AKR7A3: variants seen among roughly 807,000 people sequenced by gnomAD.
AKR7A3 encodes the protein AFB1 aldehyde reductase 2.
A neutral mutation model predicts 32.5 loss-of-function variants in AKR7A3; 37 were observed. The observed-to-expected ratio is 1.14, with a 90% confidence interval of 0.88 to 1.50. The LOEUF (loss-of-function observed/expected upper bound fraction) is 1.50. AKR7A3 is among the 40% of genes most tolerant of loss of function. The probability of loss-of-function intolerance (pLI) is 0.00; values close to 1 mark genes in which losing one functional copy is unlikely to be tolerated. For synonymous variants in AKR7A3, 177 were observed against 188.4 expected (o/e 0.94, Z 0.50); for missense variants, 412 against 453.2 (o/e 0.91, Z 0.83).
At position 19,282,597 on chromosome 1, in the gene AKR7A3, G is replaced by C; in HGVS notation, c.*134C>G. ...CTGGGAGTTTTATTCTTCATTTGGTGGTGACTCTTCTATTAGGTTTTTGTC... is the reference window on the plus strand; with the variant it reads ...CTGGGAGTTTTATTCTTCATTTGGTCGTGACTCTTCTATTAGGTTTTTGTC... On this transcript the variant is annotated 3_prime_UTR_variant, in exon 7 of 7. Coordinates refer to ENST00000361640, the MANE Select transcript of AKR7A3 (RefSeq NM_012067.3). 1 of 1,431,478 alleles carries C rather than the reference G, an allele frequency of 7.0e-7. No individual in the cohort carries two copies. Among genetic ancestry groups the C allele is most frequent in the Non-Finnish European group, 9.6e-7 (1 of 1,044,066 alleles). 88.7% of individuals were successfully genotyped at this position (1,431,478 alleles called of 1,614,324 possible). A position where few individuals can be genotyped will look rare whatever the true frequency, so the allele number is the denominator to read the frequency against.
chr1:19,282,146 TATC>T (rs954247043), downstream of AKR7A3, among the ~76,000 whole-genome samples: 18 of 151,834 alleles, frequency 1.2e-4, no homozygotes, highest in African/African-American at 4.1e-4. Flanking sequence ...GGTACAATGA[TATC>T]ATCAGGGTAT....
the AKR7A3 span, among the ~76,000 whole-genome samples, chr1:19,276,337 G>C: frequency 6.9e-6 from 1 of 145,156 alleles, no homozygotes; most frequent in African/African-American, 2.6e-5. Flanking sequence ...GTCCAGACTA[G>C]GTGACAGAGC....
chr1:19,275,405 C>T, the AKR7A3 span, among the ~76,000 whole-genome samples: 3 of 150,776 alleles, frequency 2.0e-5, no homozygotes, highest in African/African-American at 7.4e-5. Context: ...GAGCGAAATT[C>T]CATCTCAAAA....
chr1:19,282,262 G>A (rs1411167467), downstream of AKR7A3, among the ~76,000 whole-genome samples: 6 of 151,726 alleles, frequency 4.0e-5, no homozygotes, highest in Admixed American at 1.3e-4. Flanking sequence ...TGAATGGCTT[G>A]GTGCCATCTG....
chr1:19,284,633 C>T, intron 5 of AKR7A3, 53 bp downstream of exon 5: 1 of 1,579,288 alleles, frequency 6.3e-7, no homozygotes, highest in Non-Finnish European at 8.7e-7. Context: ...GGACTTCATT[C>T]CACATAAAGC....
intron 3 of AKR7A3, among the ~76,000 whole-genome samples, chr1:19,285,320 A>G (rs183269081): frequency 1.6e-4 from 24 of 152,048 alleles, no homozygotes; most frequent in East Asian, 1.2e-3. Flanking sequence ...AGCACCAACT[A>G]TGGGCTGGTT....
Position 19,286,387 on chromosome 1 carries a change from A to C in AKR7A3, c.215-15T>G, listed in dbSNP as rs1167085799. The C allele has an allele frequency of 4.3e-6, 7 of 1,612,074 alleles. No homozygotes were observed. The highest frequency in any genetic ancestry group is 5.9e-6 in the Non-Finnish European group (7 of 1,178,832). On this transcript the variant is annotated splice_polypyrimidine_tract_variant and intron_variant, in intron 1 of 6. Transcript: ENST00000361640. ...ATCAATTTTCACTGAGAGGAAAGAG[A>C]AATGAAATTCAGGGCCAGGCGCCGT...
the AKR7A3 span, among the ~76,000 whole-genome samples, chr1:19,275,699 GGAGGTT>G: frequency 2.6e-5 from 4 of 151,768 alleles, no homozygotes; most frequent in Non-Finnish European, 4.4e-5. Context: ...CAGTTACTCA[GGAGGTT>G]GAGGTGGGAG....
At chr1:19,287,591 C>G (rs2093733030) in intron 1 of AKR7A3, among the ~76,000 whole-genome samples, 1 of 151,954 alleles carries the variant, frequency 6.6e-6, no homozygotes, top group African/African-American at 2.4e-5. Context: ...GAGGGCGGCT[C>G]CTCCTGCCCC....
the AKR7A3 span, among the ~76,000 whole-genome samples, chr1:19,274,909 A>AAAAAAAAAAAAAAAAAAAAAAAAAAC: frequency 1.4e-5 from 2 of 148,026 alleles, no homozygotes; most frequent in Non-Finnish European, 3.0e-5. Context: ...CAAAAAAAAA[A>AAAAAAAAAAAAAAAAAAAAAAAAAAC]AAAAAAGACC....
In AKR7A3 at chr1:19,287,301, T is replaced by C. The variant is rs979087252; in HGVS notation, c.215-929A>G. On this transcript the variant is annotated intron_variant, in intron 1 of 6. Coordinates refer to ENST00000361640, the MANE Select transcript of AKR7A3 (RefSeq NM_012067.3). ...CAGCCTGGGCAAAAAAGCAAGACCC[T>C]GTCTCAAAAAAAAAAAAAAAATCAG... Among the ~76,000 whole-genome samples, 46 of 131,810 alleles carry C rather than the reference T, an allele frequency of 3.5e-4. 1 individual carries two copies. The highest frequency in any genetic ancestry group is 1.5e-3 in the African/African-American group (46 of 31,232). The allele number at this position is 131,810 out of a possible 152,430, so 86.5% of individuals were successfully genotyped here. A position where few individuals can be genotyped will look rare whatever the true frequency, so the allele number is the denominator to read the frequency against.
chr1:19,279,241 C>T (rs1467706740), downstream of AKR7A3, among the ~76,000 whole-genome samples: 2 of 151,896 alleles, frequency 1.3e-5, no homozygotes, highest in Non-Finnish European at 2.9e-5. Context: ...AGATTACAGG[C>T]GTGAGCTACT....
rs759961476 is a variant in AKR7A3 at position 19,286,412 on chromosome 1, T to C, written c.215-40A>G. ...AAATGAAATTCAGGGCCAGGCGCCG[T>C]GGCTCATGCCTGTAATCCCAGCACT... On this transcript the variant is annotated intron_variant, in intron 1 of 6. Transcript: ENST00000361640. 6 of 1,599,010 alleles carry C rather than the reference T, an allele frequency of 3.8e-6. No homozygotes were observed. In the Admixed American group the frequency reaches 1.0e-4, roughly 27 times the overall value.
chr1:19,283,956 C>T (rs2093723371), intron 6 of AKR7A3, 40 bp downstream of exon 6: 1 of 1,611,624 alleles, frequency 6.2e-7, no homozygotes, highest in African/African-American at 1.3e-5. Flanking sequence ...GCTGGTTCCC[C>T]TGGAAGGGAA....
intron 3 of AKR7A3, 121 bp downstream of exon 3, chr1:19,285,767 C>T (rs1213610057): frequency 2.0e-5 from 26 of 1,270,558 alleles, no homozygotes; most frequent in Non-Finnish European, 2.8e-5. Context: ...GAGCCATCTG[C>T]AGGCTTTCAG....
the AKR7A3 span, among the ~76,000 whole-genome samples, chr1:19,274,912 A>AAAAAAAAAAAAAAAAAAAAAAC: frequency 2.0e-5 from 3 of 148,618 alleles, no homozygotes; most frequent in Non-Finnish European, 3.0e-5. Context: ...AAAAAAAAAA[A>AAAAAAAAAAAAAAAAAAAAAAC]AAAGACCAAT....
intron 1 of AKR7A3, 80 bp from the exon 2 acceptor site, chr1:19,286,452 C>A: frequency 7.1e-7 from 1 of 1,409,144 alleles, no homozygotes; most frequent in Non-Finnish European, 9.8e-7. Context: ...GAGACTGAGG[C>A]AGGCAAATCA....
In AKR7A3 at chr1:19,282,698, G is replaced by A. The variant is rs1065660; in HGVS notation, c.*33C>T. 1.9e-6 allele frequency: 3 copies of A among 1,613,712 alleles called. No individual in the cohort carries two copies. Among genetic ancestry groups the A allele is most frequent in the Non-Finnish European group, 2.5e-6 (3 of 1,180,042 alleles). On this transcript the variant is annotated 3_prime_UTR_variant, in exon 7 of 7. Coordinates refer to ENST00000361640, the MANE Select transcript of AKR7A3 (RefSeq NM_012067.3). ...AATGTGAGTAACAAAAGATGTTACAGAAGAGCCTTGGGCAGCCTGAGAAAC... is the reference window on the plus strand; with the variant it reads ...AATGTGAGTAACAAAAGATGTTACAAAAGAGCCTTGGGCAGCCTGAGAAAC...
At chr1:19,274,444 C>T in the AKR7A3 span, among the ~76,000 whole-genome samples, 1 of 151,996 alleles carries the variant, frequency 6.6e-6, no homozygotes, top group East Asian at 1.9e-4. Flanking sequence ...GCCTCGCCCG[C>T]CCCGGAGCTG....
Sources: allele counts gnomAD v4.1 joint callset (sites outside exome capture counted in the v4.1 genomes callset), GRCh38; gene constraint gnomAD v4.1.1; transcripts MANE v1.5; gene names NCBI Gene and HGNC (gene_info 2026-07-23, HGNC 2026-07-21).